FAM135B: variants seen among roughly 807,000 people sequenced by gnomAD.
FAM135B encodes the protein protein FAM135B.
Under a neutral mutation model 127.7 loss-of-function variants are expected in FAM135B, and 43 were observed. That is an observed-to-expected ratio of 0.34 (90% CI 0.26 to 0.43). The LOEUF is 0.43. FAM135B is among the 20% of genes least tolerant of loss of function. FAM135B has a pLI of 1.00. For synonymous variants in FAM135B, 670 were observed against 665.1 expected, an observed-to-expected ratio of 1.01 and a Z score of -0.11; for missense variants, 1,558 against 1,725.6, an observed-to-expected ratio of 0.90 and a Z score of 1.72.
intron 1 of FAM135B, among the ~76,000 whole-genome samples, chr8:138,399,053 G>A (rs572399721): frequency 6.6e-6 from 1 of 152,200 alleles, no homozygotes; most frequent in African/African-American, 2.4e-5. Flanking sequence ...AAGAATAACA[G>A]GAGTAAGAAT....
intron 2 of FAM135B, among the ~76,000 whole-genome samples, chr8:138,333,574 C>T (rs1025221288): frequency 1.2e-4 from 19 of 152,178 alleles, no homozygotes; most frequent in Admixed American, 1.2e-3. Flanking sequence ...AATACCACAT[C>T]ACCACTGCTT....
At chr8:138,206,272 C>T (rs1406383926) in intron 7 of FAM135B, among the ~76,000 whole-genome samples, 26 of 149,346 alleles carry the variant, frequency 1.7e-4, no homozygotes, top group East Asian at 4.1e-4. Flanking sequence ...GCTCTATCAT[C>T]CCCTCCACCT....
intron 1 of FAM135B, among the ~76,000 whole-genome samples, chr8:138,368,910 G>A (rs1830938747): frequency 6.6e-6 from 1 of 152,076 alleles, no homozygotes; most frequent in Non-Finnish European, 1.5e-5. Context: ...CTATATTCTT[G>A]GTGTTGCATA....
chr8:138,134,786 TA>T (rs796241487), intron 19 of FAM135B, among the ~76,000 whole-genome samples: 1 of 152,206 alleles, frequency 6.6e-6, no homozygotes. Flanking sequence ...GATGTCCGTG[TA>T]AAAATGTAAC....
intron 1 of FAM135B, among the ~76,000 whole-genome samples, chr8:138,442,010 T>C (rs1030669176): frequency 1.2e-4 from 18 of 151,668 alleles, no homozygotes; most frequent in Non-Finnish European, 1.9e-4. Flanking sequence ...TTGGTGTTAG[T>C]TGAATATTTT....
chr8:138,200,558 G>T (rs979283895), intron 7 of FAM135B, among the ~76,000 whole-genome samples: 1 of 152,162 alleles, frequency 6.6e-6, no homozygotes, highest in African/African-American at 2.4e-5. Flanking sequence ...TTTCAAAATA[G>T]AATATAAATA....
chr8:138,173,169 C>T (rs1160255650), intron 11 of FAM135B, among the ~76,000 whole-genome samples: 2 of 152,190 alleles, frequency 1.3e-5, no homozygotes, highest in South Asian at 4.2e-4. Flanking sequence ...GAAAGAGTCT[C>T]CTGAAACATA....
intron 19 of FAM135B, among the ~76,000 whole-genome samples, chr8:138,133,842 C>A (rs1436552660): frequency 6.6e-6 from 1 of 152,126 alleles, no homozygotes; most frequent in Non-Finnish European, 1.5e-5. Context: ...CTGGACCCCC[C>A]CATCACGCAT....
intron 10 of FAM135B, among the ~76,000 whole-genome samples, chr8:138,177,863 C>T (rs986569566): frequency 5.3e-5 from 8 of 152,190 alleles, no homozygotes; most frequent in African/African-American, 1.9e-4. Context: ...GATCTAAATA[C>T]CAGCATATTT....
intron 3 of FAM135B, among the ~76,000 whole-genome samples, chr8:138,308,232 G>A (rs1587036230): frequency 6.6e-6 from 1 of 152,152 alleles, no homozygotes; most frequent in South Asian, 2.1e-4. Context: ...CTCATCTGGT[G>A]CAGCCACTCC....
At chr8:138,431,935 C>A (rs1473963702) in intron 1 of FAM135B, among the ~76,000 whole-genome samples, 3 of 152,208 alleles carry the variant, frequency 2.0e-5, no homozygotes, top group East Asian at 1.9e-4. Flanking sequence ...AAAACAAAAT[C>A]ATTCCCAGAG....
chr8:138,345,681 C>A (rs113434522), intron 2 of FAM135B, among the ~76,000 whole-genome samples: 2 of 152,188 alleles, frequency 1.3e-5, no homozygotes, highest in Non-Finnish European at 2.9e-5. Context: ...AGCCATGTGG[C>A]GACGACAATG....
At chr8:138,444,868 G>T (rs1836020506) in intron 1 of FAM135B, among the ~76,000 whole-genome samples, 1 of 152,080 alleles carries the variant, frequency 6.6e-6, no homozygotes, top group African/African-American at 2.4e-5. Context: ...CCAGGAGCTG[G>T]TTTTTTGAAA....
chr8:138,396,843 C>T (rs147837747), intron 1 of FAM135B, among the ~76,000 whole-genome samples: 403 of 152,276 alleles, frequency 2.6e-3, no homozygotes, highest in African/African-American at 9.2e-3. Flanking sequence ...TTACCTTCCC[C>T]TAGACCTATC....
At chr8:138,372,050 T>C (rs1408214934) in intron 1 of FAM135B, among the ~76,000 whole-genome samples, 2 of 152,134 alleles carry the variant, frequency 1.3e-5, no homozygotes, top group African/African-American at 4.8e-5. Context: ...GGGACCTGGG[T>C]CTTTGGCACT....
At chr8:138,383,079 T>C (rs1208561637) in intron 1 of FAM135B, among the ~76,000 whole-genome samples, 2 of 152,180 alleles carry the variant, frequency 1.3e-5, no homozygotes, top group Non-Finnish European at 2.9e-5. Flanking sequence ...GTATCTCCAT[T>C]ATTCCCAACC....
intron 1 of FAM135B, among the ~76,000 whole-genome samples, chr8:138,378,006 T>G (rs1831597432): frequency 6.6e-6 from 1 of 152,230 alleles, no homozygotes. Flanking sequence ...AAGCACTCTT[T>G]CTTGCTGTGA....
chr8:138,424,514 A>G (rs1356685), intron 1 of FAM135B, among the ~76,000 whole-genome samples: 13,269 of 152,222 alleles, frequency 0.087, 1,003 homozygotes, highest in East Asian at 0.26. Context: ...TACCCTTGAC[A>G]AAGTAGTTTC....
chr8:138,480,947 G>T (rs1197725383), intron 1 of FAM135B, among the ~76,000 whole-genome samples: 1 of 152,208 alleles, frequency 6.6e-6, no homozygotes, highest in African/African-American at 2.4e-5. Context: ...TGATAAAACT[G>T]TTGTTAAGAT....
Sources: allele counts gnomAD v4.1 joint callset (sites outside exome capture counted in the v4.1 genomes callset), GRCh38; gene constraint gnomAD v4.1.1; transcripts MANE v1.5; gene names NCBI Gene and HGNC (gene_info 2026-07-23, HGNC 2026-07-21).